The following CDH12 variants were observed in gnomAD, a reference collection of about 807,000 sequenced individuals.
CDH12 encodes the protein cadherin 12, also known as cadherin-12.
CDH12 carries 41 observed loss-of-function variants against 74.1 expected under a neutral mutation model. That is an observed-to-expected ratio of 0.55 (90% CI 0.43 to 0.72). The LOEUF (loss-of-function observed/expected upper bound fraction) is 0.72, where lower values mean the gene tolerates loss of function less well. CDH12 is among the 30% of genes least tolerant of loss of function. The probability of loss-of-function intolerance (pLI) is 0.00; values close to 1 mark genes in which losing one functional copy is unlikely to be tolerated. For synonymous variants in CDH12, 399 were observed against 355.0 expected (o/e 1.12, Z -1.39); for missense variants, 945 against 977.2 (o/e 0.97, Z 0.44).
intron 2 of CDH12, among the ~76,000 whole-genome samples, chr5:22,416,365 G>A (rs982895095): frequency 2.0e-5 from 3 of 151,962 alleles, no homozygotes; most frequent in Non-Finnish European, 2.9e-5. Flanking sequence ...GTGAGCCACC[G>A]CGCCCGGCCT....
intron 5 of CDH12, among the ~76,000 whole-genome samples, chr5:21,987,270 C>A (rs1757556735): frequency 6.6e-6 from 1 of 151,938 alleles, no homozygotes; most frequent in South Asian, 2.1e-4. Flanking sequence ...GCTAAAAATT[C>A]TAATTTTTAA....
intron 1 of CDH12, among the ~76,000 whole-genome samples, chr5:22,515,509 A>G (rs1736772717): frequency 1.3e-5 from 2 of 152,106 alleles, no homozygotes; most frequent in Admixed American, 6.6e-5. Flanking sequence ...AATTCTACAT[A>G]GTTGACATTT....
At chr5:22,815,781 A>AT (rs1236352657) in intron 1 of CDH12, among the ~76,000 whole-genome samples, 47 of 149,342 alleles carry the variant, frequency 3.1e-4, no homozygotes, top group South Asian at 4.2e-4. Flanking sequence ...AAAAAAAAAA[A>AT]AAAATAAATA....
intron 6 of CDH12, among the ~76,000 whole-genome samples, chr5:21,922,240 T>C (rs948734678): frequency 3.3e-5 from 5 of 152,174 alleles, no homozygotes; most frequent in Non-Finnish European, 7.4e-5. Flanking sequence ...GGAACATATT[T>C]ATAAAAGATT....
At chr5:22,495,769 A>G (rs1271573662) in intron 2 of CDH12, among the ~76,000 whole-genome samples, 2 of 17,284 alleles carry the variant, frequency 1.2e-4, no homozygotes, top group African/African-American at 4.5e-4. Flanking sequence ...ATCTATGAGA[A>G]GAAATATTAA....
Position 21,751,979 on chromosome 5 carries a change from C to T in CDH12, c.2143G>A (p.Asp715Asn). 1 of 1,614,062 alleles carries T rather than the reference C, an allele frequency of 6.2e-7. No homozygotes were observed. Among genetic ancestry groups the T allele is most frequent in the Non-Finnish European group, 8.5e-7 (1 of 1,179,990 alleles). Residue 715 changes from aspartate to asparagine, a missense_variant, in exon 15 of 15, where the codon GAT (aspartate) becomes AAT (asparagine). Coordinates refer to ENST00000382254, the MANE Select transcript of CDH12 (RefSeq NM_004061.5). ...TCCTGTAGCCTTTGATGAATGAAAT[C>T]CCTTATGTCTGTGTTATCTTCCATG... The part of the protein sequence containing the change: ...PPMEDNTDIR[D>N]FIHQRLQEND...
At chr5:22,513,982 T>G (rs1736711351) in intron 1 of CDH12, among the ~76,000 whole-genome samples, 1 of 149,606 alleles carries the variant, frequency 6.7e-6, no homozygotes, top group Non-Finnish European at 1.5e-5. Flanking sequence ...CACAACACAT[T>G]ACGAAAAATA....
intron 3 of CDH12, among the ~76,000 whole-genome samples, chr5:22,304,270 C>T (rs529933076): frequency 2.6e-5 from 4 of 152,068 alleles, no homozygotes; most frequent in Non-Finnish European, 4.4e-5. Flanking sequence ...CTACAGGTTA[C>T]ACTCATTTGA....
intron 4 of CDH12, among the ~76,000 whole-genome samples, chr5:22,134,457 A>G (rs1198171946): frequency 6.6e-6 from 1 of 151,860 alleles, no homozygotes; most frequent in Non-Finnish European, 1.5e-5. Flanking sequence ...TGAGAAGAGG[A>G]ATGTGATAGG....
intron 3 of CDH12, among the ~76,000 whole-genome samples, chr5:22,362,875 G>A (rs1740873795): frequency 7.2e-6 from 1 of 139,716 alleles, no homozygotes; most frequent in African/African-American, 2.6e-5. Flanking sequence ...GGTGGGAACT[G>A]AACAATGAGA....
chr5:22,553,018 C>A (rs11956566), intron 1 of CDH12, among the ~76,000 whole-genome samples: 24,246 of 152,040 alleles, frequency 0.16, 2,512 homozygotes, highest in East Asian at 0.37. Flanking sequence ...GTAGGCATTT[C>A]TACTTGTTTG....
intron 4 of CDH12, chr5:22,141,517 A>C (rs1418711863): frequency 3.3e-5 from 5 of 152,188 alleles, no homozygotes; most frequent in African/African-American, 9.6e-5. Flanking sequence ...TGGTGGACAC[A>C]CATTCTGAAA....
chr5:22,446,486 C>A (rs767308201), intron 2 of CDH12, among the ~76,000 whole-genome samples: 2 of 152,054 alleles, frequency 1.3e-5, no homozygotes, highest in African/African-American at 2.4e-5. Context: ...TGAAAAATCT[C>A]TTTTGTATTA....
intron 1 of CDH12, among the ~76,000 whole-genome samples, chr5:22,546,388 A>T (rs1225376267): frequency 1.3e-5 from 2 of 152,228 alleles, no homozygotes; most frequent in African/African-American, 2.4e-5. Flanking sequence ...AGCGAAAAAA[A>T]TGAGAGATGT....
chr5:21,902,735 A>G (rs1230848657), intron 6 of CDH12, among the ~76,000 whole-genome samples: 3 of 152,190 alleles, frequency 2.0e-5, no homozygotes. Flanking sequence ...ATAAGAAACT[A>G]AACTTTAATT....
chr5:22,698,711 A>G lies in CDH12; in HGVS notation c.-523+154347T>C, dbSNP rs1333408914. ...TATATATATATATATATATATATAT[A>G]TATATATATATATATATATATATAG... On this transcript the variant is annotated intron_variant, in intron 1 of 14. Coordinates refer to ENST00000382254, the MANE Select transcript of CDH12 (RefSeq NM_004061.5). 4.2e-3 allele frequency among the ~76,000 whole-genome samples: 88 copies of G among 21,166 alleles called. 2 individuals are homozygous for G. The highest frequency in any genetic ancestry group is 0.012 in the African/African-American group (56 of 4,596). 13.9% of individuals were successfully genotyped at this position (21,166 alleles called of 152,430 possible).
At chr5:22,167,350 G>T (rs1478200233) in intron 4 of CDH12, among the ~76,000 whole-genome samples, 1 of 152,178 alleles carries the variant, frequency 6.6e-6, no homozygotes, top group Admixed American at 6.6e-5. Flanking sequence ...ATACCCCAGG[G>T]AATTGGAATG....
chr5:22,736,868 T>C (rs1580942259), intron 1 of CDH12, among the ~76,000 whole-genome samples: 1 of 151,958 alleles, frequency 6.6e-6, no homozygotes, highest in South Asian at 2.1e-4. Flanking sequence ...ATGTAGTCTG[T>C]GTGCATTTAA....
chr5:22,141,261 C>T (rs1490402243), intron 4 of CDH12: 2 of 152,090 alleles, frequency 1.3e-5, no homozygotes, highest in Non-Finnish European at 2.9e-5. Context: ...ACCTTTGAGA[C>T]AGATGTGAAT....
Sources: allele counts gnomAD v4.1 joint callset (sites outside exome capture counted in the v4.1 genomes callset), GRCh38; gene constraint gnomAD v4.1.1; transcripts MANE v1.5; gene names NCBI Gene and HGNC (gene_info 2026-07-23, HGNC 2026-07-21).